SMG9: variants seen among roughly 807,000 people sequenced by gnomAD.
SMG9 encodes SMG9 nonsense mediated mRNA decay factor, also known as nonsense-mediated mRNA decay factor SMG9.
In SMG9, 55 loss-of-function variants were observed where a neutral mutation model predicts 64.0. The observed-to-expected ratio is 0.86, with a 90% CI of 0.69 to 1.08. SMG9 has a LOEUF of 1.08. SMG9 is among the 50% of genes least tolerant of loss of function. SMG9 has a pLI of 0.00. For missense variants in SMG9, 554 were observed against 681.3 expected, an observed-to-expected ratio of 0.81 and a Z score of 2.08; for synonymous variants, 244 against 254.8, an observed-to-expected ratio of 0.96 and a Z score of 0.41.
chr19:43,737,906 A>T, intron 8 of SMG9: 1 of 640,846 alleles, frequency 1.6e-6, no homozygotes, highest in Non-Finnish European at 2.7e-6. Context: ...GAGGCGTCAA[A>T]GGGGAGGGGG....
intron 2 of SMG9, chr19:43,748,810 T>G: frequency 1.9e-6 from 1 of 520,160 alleles, no homozygotes; most frequent in South Asian, 1.4e-5. Flanking sequence ...GGACACTTAC[T>G]TAAACCCTGC....
intron 2 of SMG9, 119 bp downstream of exon 2, chr19:43,750,473 T>C: frequency 2.6e-6 from 3 of 1,140,244 alleles, no homozygotes; most frequent in Middle Eastern, 2.7e-4. Context: ...TCTTTATCCA[T>C]GAGGGTGGTA....
intron 5 of SMG9, 47 bp from the exon 6 acceptor site, chr19:43,744,931 G>C: frequency 1.4e-6 from 2 of 1,451,766 alleles, no homozygotes; most frequent in Admixed American, 1.8e-5. Flanking sequence ...TCAGCTGCTG[G>C]AGCTGGAATG....
chr19:43,731,120 TGG>T lies in SMG9; in HGVS notation c.*474_*475del, dbSNP rs1968468480. 2.0e-6 allele frequency: 2 copies of T among 986,680 alleles called. No individual in the cohort carries two copies. Among genetic ancestry groups the T allele is most frequent in the African/African-American group, 3.5e-5 (2 of 57,224 alleles). 61.1% of individuals were successfully genotyped at this position (986,680 alleles called of 1,614,324 possible). ...TGTCCTGCTTCCCAGAGCTGCATGG[TGG>T]GTAGAGGAGTAAGTGGAACATAAGA... On this transcript the variant is annotated 3_prime_UTR_variant, in exon 14 of 14. Coordinates refer to ENST00000270066, the MANE Select transcript of SMG9 (RefSeq NM_019108.4).
In SMG9 at chr19:43,747,503, C is replaced by G. The variant is rs775419922; in HGVS notation, c.527G>C (p.Arg176Pro). ...VGQAKLLPPERMKHSIKLVDD... is the reference protein window; with the variant it reads ...VGQAKLLPPEPMKHSIKLVDD... ...CACCAACTTGATGCTGTGCTTCATGCGCTCTGGGGGCAGTAGTTTGGCCTG... is the reference window on the plus strand; with the variant it reads ...CACCAACTTGATGCTGTGCTTCATGGGCTCTGGGGGCAGTAGTTTGGCCTG... The change falls in exon 5 of 14, where the codon CGC (arginine) becomes CCC (proline). Residue 176 changes from arginine to proline, a missense_variant. Arg to Pro is a moderately radical substitution (Grantham distance 103). Transcript: ENST00000270066. 8 of 1,613,994 alleles carry G rather than the reference C, an allele frequency of 5.0e-6. No homozygotes were observed. In the African/African-American group the frequency reaches 9.3e-5, roughly 19 times the overall value.
chr19:43,736,051 C>G (rs1049532661), intron 9 of SMG9, among the ~76,000 whole-genome samples: 2 of 152,192 alleles, frequency 1.3e-5, no homozygotes, highest in African/African-American at 4.8e-5. Context: ...AGTCACAGCT[C>G]AGCTGCATTA....
chr19:43,747,759 TGCCCTCAGGGGTAGAGGCACCTGTCACG>T lies in SMG9; in HGVS notation c.336_363del (p.Val113ProfsTer56). 6.2e-7 allele frequency: 1 copy of T among 1,609,318 alleles called. No homozygotes were observed. Among genetic ancestry groups the T allele is most frequent in the Non-Finnish European group, 8.5e-7 (1 of 1,178,238 alleles). ...GGGGCTGCAGGGGGTGGTGGGGCGG[TGCCCTCAGGGGTAGAGGCACCTGTCACG>T]GCCACAGGCCCCTTCCCCTCCTCCC... On this transcript the variant is annotated frameshift_variant, in exon 4 of 14. Transcript: ENST00000270066. LOFTEE classifies it high-confidence loss of function.
rs917292167 is a variant in SMG9 at position 43,748,070 on chromosome 19, A to G, written c.151-18T>C. Reference sequence around the variant, plus strand: ...CTGGCATCCTGTGGTGAGGGAGGGCAGTTACTCATGAATGGCTCTCCTGGA... The same window carrying G: ...CTGGCATCCTGTGGTGAGGGAGGGCGGTTACTCATGAATGGCTCTCCTGGA... On this transcript the variant is annotated intron_variant, in intron 2 of 13. Coordinates refer to ENST00000270066, the MANE Select transcript of SMG9 (RefSeq NM_019108.4). 1 of 1,597,214 alleles carries G rather than the reference A, an allele frequency of 6.3e-7. No homozygotes were observed. The highest frequency in any genetic ancestry group is 1.3e-5 in the African/African-American group (1 of 74,296).
At chr19:43,743,038 G>A (rs973962245) in intron 6 of SMG9, among the ~76,000 whole-genome samples, 7 of 151,638 alleles carry the variant, frequency 4.6e-5, no homozygotes, top group African/African-American at 7.3e-5. Flanking sequence ...TTGTGCCACC[G>A]CCCTCCAGCC....
chr19:43,752,316 T>C (rs1261443300), intron 1 of SMG9, among the ~76,000 whole-genome samples: 2 of 152,232 alleles, frequency 1.3e-5, no homozygotes, highest in East Asian at 3.8e-4. Context: ...CTTAGAGAGT[T>C]TTCCCAGCTG....
chr19:43,734,444 G>C lies in SMG9; in HGVS notation c.1047C>G (p.His349Gln), dbSNP rs28483837. 3.2e-6 allele frequency: 5 copies of C among 1,563,456 alleles called. No homozygotes were observed. In the Admixed American group the frequency reaches 5.7e-5, roughly 18 times the overall value. Residue 349 changes from histidine (H) to glutamine (Q), a missense_variant, in exon 10 of 14, where the codon CAC becomes CAG. Coordinates refer to ENST00000270066, the MANE Select transcript of SMG9 (RefSeq NM_019108.4). ...MVKPSTPSPS[H>Q]ESSSSSGSDE... The stretch of plus-strand genomic sequence containing the variant: ...CGGAGCCCGATGAGCTGCTGGACTC[G>C]TGGCTGGGGGATGGGGTGGAGGGCT...
rs1968404805 is a variant in SMG9, at chr19:43,729,511, G to A, written c.*2085C>T. 1 of 152,342 alleles carries A rather than the reference G, an allele frequency of 6.6e-6. No homozygotes were observed. Among genetic ancestry groups the A allele is most frequent in the African/African-American group, 2.4e-5 (1 of 41,458 alleles). The allele number at this position is 152,342 out of a possible 1,614,324, so 9.4% of individuals were successfully genotyped here. On this transcript the variant is annotated 3_prime_UTR_variant, in exon 14 of 14. Coordinates refer to ENST00000270066, the MANE Select transcript of SMG9 (RefSeq NM_019108.4). ...TGTCCCCAGCCTTGTGCTGAAAGGG[G>A]CTGGGATGGAAGAAACTGAAGCTCC...
chr19:43,729,037 C>T lies in SMG9; in HGVS notation c.*2559G>A, dbSNP rs1968388386. The T allele has an allele frequency of 1.0e-6, 1 of 985,658 alleles. No individual in the cohort carries two copies. The highest frequency in any genetic ancestry group is 1.2e-6 in the Non-Finnish European group (1 of 830,132). 61.1% of individuals were successfully genotyped at this position (985,658 alleles called of 1,614,324 possible). Reference sequence around the variant, plus strand: ...CACAGTGGCCTGCTGGCAGCATCAGCCTGAGTCCTCTGCTGGATGTAAAGG... The same window carrying T: ...CACAGTGGCCTGCTGGCAGCATCAGTCTGAGTCCTCTGCTGGATGTAAAGG... On this transcript the variant is annotated 3_prime_UTR_variant, in exon 14 of 14. Coordinates refer to ENST00000270066, the MANE Select transcript of SMG9 (RefSeq NM_019108.4).
chr19:43,738,310 C>T, intron 7 of SMG9, 93 bp from the exon 8 acceptor site: 1 of 1,167,392 alleles, frequency 8.6e-7, no homozygotes, highest in Non-Finnish European at 1.3e-6. Context: ...AAAACAAGGT[C>T]AGAAACAAAG....
At chr19:43,738,828 G>A (rs1406655533) in intron 7 of SMG9, among the ~76,000 whole-genome samples, 1 of 152,156 alleles carries the variant, frequency 6.6e-6, no homozygotes, top group Non-Finnish European at 1.5e-5. Flanking sequence ...TTTAACTTCC[G>A]TCCTCCTCTT....
At position 43,731,658 on chromosome 19, in the gene SMG9, G is replaced by T. The variant is rs375481761; in HGVS notation, c.1501C>A (p.Arg501=). The change falls in exon 14 of 14, where the codon CGG becomes AGG. Residue 501 remains arginine (R), a synonymous_variant. Coordinates refer to ENST00000270066, the MANE Select transcript of SMG9 (RefSeq NM_019108.4). ...GACTTTCTCACCCCATCCCAGATCC[G>T]GGCAGCGTAGTGGAACCTGTGAGGA... ...TEKNWFHYAA[R]IWDGVRKSSA... is the part of the protein sequence containing the mutation. 6.2e-7 allele frequency: 1 copy of T among 1,614,222 alleles called. No individual in the cohort carries two copies. Among genetic ancestry groups the T allele is most frequent in the South Asian group, 1.1e-5 (1 of 91,084 alleles).
rs1381256815 is a variant in SMG9, at chr19:43,747,892, T to G, written c.231A>C (p.Lys77Asn). Residue 77 changes from lysine (K) to asparagine (N), a missense_variant, in exon 4 of 14, where the codon AAA becomes AAC. Physicochemically the swap from Lys to Asn is moderately conservative, Grantham distance 94. Coordinates refer to ENST00000270066, the MANE Select transcript of SMG9 (RefSeq NM_019108.4). ...CAGGGGCTGTTGGAGGTGGTGGCTGTTTTGACTACGGAGGTAAAAAAAATC... is the reference window on the plus strand; with the variant it reads ...CAGGGGCTGTTGGAGGTGGTGGCTGGTTTGACTACGGAGGTAAAAAAAATC... ...ILSKPPAERS[K>N]QPPPPTAPAA... The G allele has an allele frequency of 1.9e-6, 3 of 1,612,622 alleles. No homozygotes were observed. The South Asian group carries it at 3.3e-5, about 18-fold the overall frequency.
chr19:43,748,772 T>C (rs747035449), intron 2 of SMG9: 1 of 520,092 alleles, frequency 1.9e-6, no homozygotes, highest in Non-Finnish European at 3.8e-6. Flanking sequence ...GACCCCTAAC[T>C]GTGTCTGTTC....
chr19:43,743,434 A>G (rs1968903178), intron 6 of SMG9, among the ~76,000 whole-genome samples: 1 of 152,142 alleles, frequency 6.6e-6, no homozygotes, highest in African/African-American at 2.4e-5. Flanking sequence ...CCATCAGCCC[A>G]CTCTGAGATC....
Sources: allele counts gnomAD v4.1 joint callset (sites outside exome capture counted in the v4.1 genomes callset), GRCh38; gene constraint gnomAD v4.1.1; transcripts MANE v1.5; gene names NCBI Gene and HGNC (gene_info 2026-07-23, HGNC 2026-07-21).